PPIB: variants seen among roughly 807,000 people sequenced by gnomAD.
PPIB encodes the protein peptidyl-prolyl cis-trans isomerase B.
PPIB carries 15 observed loss-of-function variants against 20.1 expected under a neutral mutation model. The observed-to-expected ratio is 0.75, with a 90% CI of 0.50 to 1.15. The LOEUF (loss-of-function observed/expected upper bound fraction) is 1.15. Ranked by LOEUF, PPIB falls within the 50% of genes most tolerant of loss-of-function variation. The pLI is 0.00. For synonymous variants in PPIB, 129 were observed against 111.0 expected (o/e 1.16, Z -1.02); for missense variants, 278 against 283.0 (o/e 0.98, Z 0.13).
rs2140183339 is a variant in PPIB at position 64,160,219 on chromosome 15, TA to T, written c.250-23del. 1 of 1,581,574 alleles carries T rather than the reference TA, an allele frequency of 6.3e-7. No individual in the cohort carries two copies. The highest frequency in any genetic ancestry group is 8.7e-7 in the Non-Finnish European group (1 of 1,150,460). On this transcript the variant is annotated intron_variant, in intron 2 of 4. Coordinates refer to ENST00000300026, the MANE Select transcript of PPIB (RefSeq NM_000942.5). The surrounding 1 kb of genome is among the most constrained non-coding windows in gnomAD (Gnocchi z 4.8). Reference sequence around the variant, plus strand: ...CTTTCTAGAAAAAGGGAAGAGAAGGTAAGGAGGTGGTATGGGGCAGCAGGAA... The same window carrying T: ...CTTTCTAGAAAAAGGGAAGAGAAGGTAGGAGGTGGTATGGGGCAGCAGGAA...
At position 64,155,833 on chromosome 15, in the gene PPIB, A is replaced by T. The variant is rs113626158; in HGVS notation, c.*190T>A. 9.3e-5 allele frequency: 74 copies of T among 792,628 alleles called. No individual in the cohort carries two copies. The South Asian group carries it at 1.2e-3, about 13-fold the overall frequency. The allele number at this position is 792,628 out of a possible 1,614,324, so 49.1% of individuals were successfully genotyped here. On this transcript the variant is annotated 3_prime_UTR_variant, in exon 5 of 5. Coordinates refer to ENST00000300026, the MANE Select transcript of PPIB (RefSeq NM_000942.5). ...CACATTATATATTAAAAAAAAAAAA[A>T]CCCACATTTTTTTTTATTGGTCAGT...
rs2081533269 is a variant in PPIB, at chr15:64,156,575, AC to A, written c.528+149del. 1.0e-6 allele frequency: 1 copy of A among 982,500 alleles called. No individual in the cohort carries two copies. Among genetic ancestry groups the A allele is most frequent in the Non-Finnish European group, 1.6e-6 (1 of 614,642 alleles). 60.9% of individuals were successfully genotyped at this position (982,500 alleles called of 1,614,324 possible). On this transcript the variant is annotated intron_variant, in intron 4 of 4. Transcript: ENST00000300026. The surrounding 1 kb of genome is among the most constrained non-coding windows in gnomAD (Gnocchi z 6.4). ...TTTAGAACCTTGGAGGCATGGAGGTACAGGGTTTATTCTGGACAGGAGCACT... is the reference window on the plus strand; with the variant it reads ...TTTAGAACCTTGGAGGCATGGAGGTAAGGGTTTATTCTGGACAGGAGCACT...
Position 64,155,871 on chromosome 15 carries a change from T to C in PPIB, c.*152A>G. The stretch of plus-strand genomic sequence containing the variant: ...TTTATTGGTCAGTGTTGGTAGGAGT[T>C]TGTTACAAAAGTGAGTCCATGGGCC... On this transcript the variant is annotated 3_prime_UTR_variant, in exon 5 of 5. Transcript: ENST00000300026. The C allele has an allele frequency of 8.5e-7, 1 of 1,172,156 alleles. No individual in the cohort carries two copies. Among genetic ancestry groups the C allele is most frequent in the Non-Finnish European group, 1.3e-6 (1 of 798,050 alleles). 72.6% of individuals were successfully genotyped at this position (1,172,156 alleles called of 1,614,324 possible).
In PPIB at chr15:64,160,101, T is replaced by C; in HGVS notation, c.343+3A>G. The C allele has an allele frequency of 1.2e-6, 2 of 1,608,500 alleles. No homozygotes were observed. Among genetic ancestry groups the C allele is most frequent in the Non-Finnish European group, 1.7e-6 (2 of 1,174,838 alleles). Reference sequence around the variant, plus strand: ...CTCCTTGGCCCAGAGGACCTGTGGTTACCTCCTGTGCCATCTCCCCTGGTG... The same window carrying C: ...CTCCTTGGCCCAGAGGACCTGTGGTCACCTCCTGTGCCATCTCCCCTGGTG... On this transcript the variant is annotated splice_donor_region_variant and intron_variant, in intron 3 of 4. Coordinates refer to ENST00000300026, the MANE Select transcript of PPIB (RefSeq NM_000942.5). The surrounding 1 kb of genome is among the most constrained non-coding windows in gnomAD (Gnocchi z 4.8).
chr15:64,161,627 A>G lies in PPIB; in HGVS notation c.249+414T>C, dbSNP rs1323492011. 6.6e-6 allele frequency among the ~76,000 whole-genome samples: 1 copy of G among 151,896 alleles called. No homozygotes were observed. The highest frequency in any genetic ancestry group is 1.5e-5 in the Non-Finnish European group (1 of 67,980). On this transcript the variant is annotated intron_variant, in intron 2 of 4. Coordinates refer to ENST00000300026, the MANE Select transcript of PPIB (RefSeq NM_000942.5). This position sits in a 1 kb window ranked among gnomAD's most constrained non-coding sequence, Gnocchi z 4.2. ...GTAATCCCAGCTACTCAGGAGGCTG[A>G]GGCAGGAGAATCACTTAAACCCGGG... is the stretch of plus-strand genomic sequence containing the variant.
chr15:64,155,848 TA>T lies in PPIB; in HGVS notation c.*174del, dbSNP rs2081525666. 4 of 903,904 alleles carry T rather than the reference TA, an allele frequency of 4.4e-6. No individual in the cohort carries two copies. The highest frequency in any genetic ancestry group is 5.3e-5 in the Admixed American group (2 of 37,836). The allele number at this position is 903,904 out of a possible 1,614,324, so 56.0% of individuals were successfully genotyped here. ...AAAAAAAAAAACCCACATTTTTTTT[TA>T]TTGGTCAGTGTTGGTAGGAGTTTGT... On this transcript the variant is annotated 3_prime_UTR_variant, in exon 5 of 5. Transcript: ENST00000300026.
In PPIB at chr15:64,157,220, G is replaced by T; in HGVS notation, c.344-311C>A. 1 of 408,258 alleles carries T rather than the reference G, an allele frequency of 2.4e-6. No individual in the cohort carries two copies. Among genetic ancestry groups the T allele is most frequent in the Non-Finnish European group, 4.5e-6 (1 of 220,376 alleles). 25.3% of individuals were successfully genotyped at this position (408,258 alleles called of 1,614,324 possible). On this transcript the variant is annotated intron_variant, in intron 3 of 4. Transcript: ENST00000300026. This position sits in a 1 kb window ranked among gnomAD's most constrained non-coding sequence, Gnocchi z 4.2. ...CTCCCCTTAGCTATGGCCCAGGCCT[G>T]CCACGGAGGGACTTTGGTGGAGGGA...
rs761575765 is a variant in PPIB at position 64,162,983 on chromosome 15, G to A, written c.4C>T (p.Leu2=). The A allele has an allele frequency of 1.9e-5, 31 of 1,612,442 alleles. No homozygotes were observed. The highest frequency in any genetic ancestry group is 2.6e-5 in the Non-Finnish European group (31 of 1,179,518). The stretch of plus-strand genomic sequence containing the variant: ...TTCATGTTGCGTTCGGAGAGGCGCA[G>A]CATCCACAGGCGGAGGCGAAAGCAG... The part of the protein sequence containing the change: M[L]RLSERNMKVL... Residue 2 remains leucine, a synonymous_variant, in exon 1 of 5, where the codon CTG becomes TTG. Transcript: ENST00000300026.
In PPIB at chr15:64,161,428, A is replaced by T. The variant is rs889069956; in HGVS notation, c.249+613T>A. On this transcript the variant is annotated intron_variant, in intron 2 of 4. Transcript: ENST00000300026. This position sits in a 1 kb window ranked among gnomAD's most constrained non-coding sequence, Gnocchi z 4.2. Reference sequence around the variant, plus strand: ...TGCACCCCGTCACACCCAGCTAATTAAAAAAAATTTTTTTTGGCCGGGCAT... The same window carrying T: ...TGCACCCCGTCACACCCAGCTAATTTAAAAAAATTTTTTTTGGCCGGGCAT... Among the ~76,000 whole-genome samples the T allele has an allele frequency of 4.0e-5, 6 of 151,784 alleles. No individual in the cohort carries two copies. Among genetic ancestry groups the T allele is most frequent in the African/African-American group, 1.5e-4 (6 of 41,308 alleles).
Position 64,156,724 on chromosome 15 carries a change from C to A in PPIB, c.528+1G>T, listed in dbSNP as rs1228817029. On this transcript the variant is annotated splice_donor_variant, in intron 4 of 4. Transcript: ENST00000300026. LOFTEE classifies it high-confidence loss of function. This position sits in a 1 kb window ranked among gnomAD's most constrained non-coding sequence, Gnocchi z 6.4. ...TAGTAGCCCTTGCTTCCACAACTCA[C>A]CATGCCCTCTAGAACTTTGCCAAAC... 2 of 1,614,198 alleles carry A rather than the reference C, an allele frequency of 1.2e-6. No homozygotes were observed. Among genetic ancestry groups the A allele is most frequent in the Non-Finnish European group, 1.7e-6 (2 of 1,180,044 alleles).
Position 64,160,072 on chromosome 15 carries a change from C to T in PPIB, c.343+32G>A. The T allele has an allele frequency of 6.4e-7, 1 of 1,558,638 alleles. No homozygotes were observed. Among genetic ancestry groups the T allele is most frequent in the East Asian group, 2.2e-5 (1 of 44,584 alleles). ...CCTCCCACTGTGGAGGCTACACTGA[C>T]ATACTCCTTGGCCCAGAGGACCTGT... On this transcript the variant is annotated intron_variant, in intron 3 of 4. Transcript: ENST00000300026. This position sits in a 1 kb window ranked among gnomAD's most constrained non-coding sequence, Gnocchi z 4.8.
chr15:64,162,277 C>G (rs1363614969), intron 1 of PPIB, 123 bp from the exon 2 acceptor site: 5 of 784,210 alleles, frequency 6.4e-6, no homozygotes, highest in Non-Finnish European at 9.2e-6. Context: ...AGAAGTGGTT[C>G]TGAATCTGAT....
chr15:64,157,033 G>T lies in PPIB; in HGVS notation c.344-124C>A. On this transcript the variant is annotated intron_variant, in intron 3 of 4. Coordinates refer to ENST00000300026, the MANE Select transcript of PPIB (RefSeq NM_000942.5). This position sits in a 1 kb window ranked among gnomAD's most constrained non-coding sequence, Gnocchi z 4.2. Reference sequence around the variant, plus strand: ...CAGGCTAGGCTGGAGTGGACTACAAGGACATAAAAGCAGCGTCCTTCCTAT... The same window carrying T: ...CAGGCTAGGCTGGAGTGGACTACAATGACATAAAAGCAGCGTCCTTCCTAT... The T allele has an allele frequency of 9.6e-7, 1 of 1,038,472 alleles. No individual in the cohort carries two copies. Among genetic ancestry groups the T allele is most frequent in the African/African-American group, 1.6e-5 (1 of 62,528 alleles). 64.3% of individuals were successfully genotyped at this position (1,038,472 alleles called of 1,614,324 possible). A position where few individuals can be genotyped will look rare whatever the true frequency, so the allele number is the denominator to read the frequency against.
At position 64,155,937 on chromosome 15, in the gene PPIB, A is replaced by T. The variant is rs1297220216; in HGVS notation, c.*86T>A. 13 of 1,599,034 alleles carry T rather than the reference A, an allele frequency of 8.1e-6. No individual in the cohort carries two copies. Among genetic ancestry groups the T allele is most frequent in the Non-Finnish European group, 1.1e-5 (13 of 1,169,754 alleles). On this transcript the variant is annotated 3_prime_UTR_variant, in exon 5 of 5. Transcript: ENST00000300026. ...GAGTGGGTCCGCTCCACCAGATGCCAGCACCGGGGCCAGTGCAGCTCAGAG... is the reference window on the plus strand; with the variant it reads ...GAGTGGGTCCGCTCCACCAGATGCCTGCACCGGGGCCAGTGCAGCTCAGAG...
rs2081526106 is a variant in PPIB, at chr15:64,155,898, G to C, written c.*125C>G. 1.4e-6 allele frequency: 2 copies of C among 1,438,922 alleles called. No individual in the cohort carries two copies. The highest frequency in any genetic ancestry group is 1.9e-6 in the Non-Finnish European group (2 of 1,030,954). The allele number at this position is 1,438,922 out of a possible 1,614,324, so 89.1% of individuals were successfully genotyped here. A position where few individuals can be genotyped will look rare whatever the true frequency, so the allele number is the denominator to read the frequency against. Reference sequence around the variant, plus strand: ...GTTACAAAAGTGAGTCCATGGGCCTGTGGAATGTGAGGGGAGTGGGTCCGC... The same window carrying C: ...GTTACAAAAGTGAGTCCATGGGCCTCTGGAATGTGAGGGGAGTGGGTCCGC... On this transcript the variant is annotated 3_prime_UTR_variant, in exon 5 of 5. Coordinates refer to ENST00000300026, the MANE Select transcript of PPIB (RefSeq NM_000942.5).
Position 64,157,052 on chromosome 15 carries a change from T to A in PPIB, c.344-143A>T. 1.1e-6 allele frequency: 1 copy of A among 892,474 alleles called. No individual in the cohort carries two copies. Among genetic ancestry groups the A allele is most frequent in the Non-Finnish European group, 1.7e-6 (1 of 594,364 alleles). The allele number at this position is 892,474 out of a possible 1,614,324, so 55.3% of individuals were successfully genotyped here. On this transcript the variant is annotated intron_variant, in intron 3 of 4. Coordinates refer to ENST00000300026, the MANE Select transcript of PPIB (RefSeq NM_000942.5). The surrounding 1 kb of genome is among the most constrained non-coding windows in gnomAD (Gnocchi z 4.2). ...CTACAAGGACATAAAAGCAGCGTCC[T>A]TCCTATCTTCTGGCCTCAGAGCCAA...
intron 1 of PPIB, among the ~76,000 whole-genome samples, chr15:64,162,649 G>A (rs1313532003): frequency 6.6e-6 from 1 of 152,212 alleles, no homozygotes; most frequent in Non-Finnish European, 1.5e-5. Flanking sequence ...GGGTATCCGG[G>A]GATCCAACTA....
chr15:64,156,965 C>A lies in PPIB; in HGVS notation c.344-56G>T. The A allele has an allele frequency of 6.4e-7, 1 of 1,571,128 alleles. No individual in the cohort carries two copies. ...GCTGGATTGCGCCAAACCAAGCAGA[C>A]ATTCGGGGCCAGGACTGAGGGGGCT... On this transcript the variant is annotated intron_variant, in intron 3 of 4. Transcript: ENST00000300026. This position sits in a 1 kb window ranked among gnomAD's most constrained non-coding sequence, Gnocchi z 6.4.
Position 64,159,970 on chromosome 15 carries a change from A to C in PPIB, c.343+134T>G. 1.3e-6 allele frequency: 1 copy of C among 792,054 alleles called. No individual in the cohort carries two copies. Among genetic ancestry groups the C allele is most frequent in the East Asian group, 2.6e-5 (1 of 38,244 alleles). 49.1% of individuals were successfully genotyped at this position (792,054 alleles called of 1,614,324 possible). ...TTCAAAGAAGGGTGCCGCTGGTCTCAAAGTAGGTAAGTAATAAGTAGGCCT... is the reference window on the plus strand; with the variant it reads ...TTCAAAGAAGGGTGCCGCTGGTCTCCAAGTAGGTAAGTAATAAGTAGGCCT... On this transcript the variant is annotated intron_variant, in intron 3 of 4. Transcript: ENST00000300026. The surrounding 1 kb of genome is among the most constrained non-coding windows in gnomAD (Gnocchi z 5.1).
Sources: gnomAD v4.1 joint callset for allele counts (sites outside exome capture counted in the v4.1 genomes callset) on GRCh38, gnomAD v4.1.1 for gene constraint, Gnocchi (gnomAD v3.1) non-coding constraint, MANE v1.5 for transcripts, NCBI Gene and HGNC (gene_info 2026-07-23, HGNC 2026-07-21) for gene names.